GRM7: variants seen among roughly 807,000 people sequenced by gnomAD.
GRM7 encodes the protein glutamate metabotropic receptor 7.
GRM7 carries 35 observed loss-of-function variants against 84.5 expected under a neutral mutation model. That is an observed-to-expected ratio of 0.41 (90% CI 0.32 to 0.55). The LOEUF (loss-of-function observed/expected upper bound fraction) is 0.55, where lower values mean the gene tolerates loss of function less well. GRM7 is among the 20% of genes least tolerant of loss of function. GRM7 has a pLI of 0.19. For missense variants in GRM7, 1,003 were observed against 1,194.6 expected (o/e 0.84, Z 2.36); for synonymous variants, 487 against 455.1 (o/e 1.07, Z -0.89).
chr3:7,612,049 A>G (rs1407553151), intron 8 of GRM7, among the ~76,000 whole-genome samples: 3 of 152,066 alleles, frequency 2.0e-5, no homozygotes, highest in Non-Finnish European at 4.4e-5. Context: ...CTGTATCTCT[A>G]TGGTTTTACT....
In GRM7 at chr3:7,019,998, A is replaced by T. The variant is rs554016679; in HGVS notation, c.520-126454A>T. Among the ~76,000 whole-genome samples, 162 of 152,294 alleles carry T rather than the reference A, an allele frequency of 1.1e-3. 2 individuals are homozygous for T. The highest frequency in any genetic ancestry group is 2.4e-3 in the Admixed American group (37 of 15,288). ...AAAACCTGTTCATCAAGCTACAGGC[A>T]CATGCCACCACGCCCAGCTAATTTT... On this transcript the variant is annotated intron_variant, in intron 1 of 9. Coordinates refer to ENST00000357716, the MANE Select transcript of GRM7 (RefSeq NM_000844.4).
At chr3:6,914,746 C>T (rs1376262549) in intron 1 of GRM7, among the ~76,000 whole-genome samples, 1 of 152,100 alleles carries the variant, frequency 6.6e-6, no homozygotes, top group Non-Finnish European at 1.5e-5. Context: ...CTCTTGAAGA[C>T]ATAAAGTATT....
At chr3:7,672,796 ATGGGGTTTCACCG>A (rs1699974612) in intron 8 of GRM7, among the ~76,000 whole-genome samples, 1 of 151,784 alleles carries the variant, frequency 6.6e-6, no homozygotes. Context: ...TTTAGTAGAG[ATGGGGTTTCACCG>A]TGGTCTCGAT....
At chr3:7,302,911 T>TATTAAC (rs915500583) in intron 3 of GRM7, among the ~76,000 whole-genome samples, 1 of 148,130 alleles carries the variant, frequency 6.8e-6, no homozygotes, top group African/African-American at 2.5e-5. Flanking sequence ...AGGCCAGAAG[T>TATTAAC]ATTAACATTT....
At chr3:7,310,144 A>G (rs1159707780) in intron 4 of GRM7, among the ~76,000 whole-genome samples, 1 of 152,188 alleles carries the variant, frequency 6.6e-6, no homozygotes, top group Non-Finnish European at 1.5e-5. Flanking sequence ...ATGGCCAACA[A>G]GGGTCATGGA....
At chr3:7,706,892 G>A (rs923801556) in intron 9 of GRM7, among the ~76,000 whole-genome samples, 4 of 152,106 alleles carry the variant, frequency 2.6e-5, no homozygotes, top group Non-Finnish European at 5.9e-5. Flanking sequence ...TCACTATCTG[G>A]CTAGGAGGAG....
At chr3:6,941,599 C>G (rs1027012286) in intron 1 of GRM7, among the ~76,000 whole-genome samples, 3 of 152,162 alleles carry the variant, frequency 2.0e-5, no homozygotes, top group Admixed American at 1.3e-4. Flanking sequence ...CTGATTTAGA[C>G]AAAGCCACAT....
intron 9 of GRM7, among the ~76,000 whole-genome samples, chr3:7,723,728 T>C (rs1417443713): frequency 6.6e-6 from 1 of 152,096 alleles, no homozygotes; most frequent in Non-Finnish European, 1.5e-5. Context: ...CGTGCACCTG[T>C]AGTCCCAGCT....
intron 1 of GRM7, among the ~76,000 whole-genome samples, chr3:7,131,844 T>G (rs1433398465): frequency 6.6e-6 from 1 of 152,210 alleles, no homozygotes; most frequent in Non-Finnish European, 1.5e-5. Context: ...AGAAACAAAG[T>G]AAATTTAGAC....
intron 8 of GRM7, among the ~76,000 whole-genome samples, chr3:7,602,080 C>CAAAAAAAAAAAAAAAAAAAAAA: frequency 1.1e-5 from 1 of 93,798 alleles, no homozygotes; most frequent in Non-Finnish European, 2.1e-5. Context: ...ATTACCAGGA[C>CAAAAAAAAAAAAAAAAAAAAAA]AAAAAAAAAA....
intron 9 of GRM7, among the ~76,000 whole-genome samples, chr3:7,720,572 G>A (rs1016772054): frequency 9.2e-5 from 14 of 152,122 alleles, no homozygotes; most frequent in East Asian, 1.9e-4. Flanking sequence ...CCAAATATCC[G>A]TGCTAACAAT....
chr3:6,973,339 C>G (rs556216345), intron 1 of GRM7, among the ~76,000 whole-genome samples: 1 of 152,016 alleles, frequency 6.6e-6, no homozygotes, highest in Non-Finnish European at 1.5e-5. Context: ...TTCTTAGCAC[C>G]GATCTCAGTA....
intron 4 of GRM7, among the ~76,000 whole-genome samples, chr3:7,351,649 G>A (rs1378000459): frequency 6.6e-6 from 1 of 152,052 alleles, no homozygotes; most frequent in Non-Finnish European, 1.5e-5. Flanking sequence ...AACAAAGCAG[G>A]CAGAAGAAGT....
chr3:7,705,140 G>A (rs766699849), intron 9 of GRM7, among the ~76,000 whole-genome samples: 1 of 152,066 alleles, frequency 6.6e-6, no homozygotes, highest in African/African-American at 2.4e-5. Flanking sequence ...GCCCAAAATA[G>A]CTTCACCTTG....
At chr3:7,265,253 G>C (rs992436468) in intron 2 of GRM7, among the ~76,000 whole-genome samples, 1 of 152,196 alleles carries the variant, frequency 6.6e-6, no homozygotes, top group African/African-American at 2.4e-5. Context: ...CTTTTGATCT[G>C]ACTTGACTTT....
chr3:7,188,078 G>A lies in GRM7; in HGVS notation c.736+41410G>A, dbSNP rs186215691. Among the ~76,000 whole-genome samples, 2 of 152,084 alleles carry A rather than the reference G, an allele frequency of 1.3e-5. No individual in the cohort carries two copies. Among genetic ancestry groups the A allele is most frequent in the Admixed American group, 1.3e-4 (2 of 15,270 alleles). On this transcript the variant is annotated intron_variant, in intron 2 of 9. Transcript: ENST00000357716. The surrounding 1 kb of genome is among the most constrained non-coding windows in gnomAD (Gnocchi z 4.2). ...CTGGTGAGTTTAATAGAGGAGGAAT[G>A]ATGTGGGGTGGGTATTGGCTATTAT...
chr3:7,248,461 G>A (rs2124933784), intron 2 of GRM7, among the ~76,000 whole-genome samples: 1 of 152,174 alleles, frequency 6.6e-6, no homozygotes, highest in South Asian at 2.1e-4. Context: ...CCTTTGGAGG[G>A]GTGGGTTAAC....
At chr3:7,511,218 A>C (rs1291231565) in intron 7 of GRM7, among the ~76,000 whole-genome samples, 1 of 152,282 alleles carries the variant, frequency 6.6e-6, no homozygotes, top group Non-Finnish European at 1.5e-5. Flanking sequence ...GCCCTCGACT[A>C]TAGGGGTTGT....
chr3:7,663,757 CAT>C (rs1699563970), intron 8 of GRM7, among the ~76,000 whole-genome samples: 1 of 152,176 alleles, frequency 6.6e-6, no homozygotes, highest in Non-Finnish European at 1.5e-5. Context: ...AGAAAGAAGA[CAT>C]ATGCTTCTGA....
Sources: allele counts gnomAD v4.1 joint callset (sites outside exome capture counted in the v4.1 genomes callset), GRCh38; gene constraint gnomAD v4.1.1; non-coding constraint Gnocchi (gnomAD v3.1); transcripts MANE v1.5; gene names NCBI Gene and HGNC (gene_info 2026-07-23, HGNC 2026-07-21).